ANK3: variants seen among roughly 807,000 people sequenced by gnomAD.
ANK3 encodes ankyrin-3.
A neutral mutation model predicts 370.9 loss-of-function variants in ANK3; 57 were observed. The observed-to-expected ratio is 0.15, with a 90% CI of 0.12 to 0.19. The LOEUF is 0.19. Ranked by LOEUF, ANK3 falls within the 10% of genes least tolerant of loss-of-function variation. ANK3 has a pLI of 1.00. For missense variants in ANK3, 4,439 were observed against 5,302.1 expected, an observed-to-expected ratio of 0.84 and a Z score of 5.06; for synonymous variants, 1,929 against 1,946.3, an observed-to-expected ratio of 0.99 and a Z score of 0.23.
chr10:60,047,457 A>G (rs1239763565), intron 42 of ANK3, among the ~76,000 whole-genome samples: 4 of 152,228 alleles, frequency 2.6e-5, no homozygotes, highest in Non-Finnish European at 5.9e-5. Context: ...GATGCGATAT[A>G]TTTTACAAAA....
chr10:60,269,655 C>A (rs542085253), intron 5 of ANK3, among the ~76,000 whole-genome samples: 7 of 146,480 alleles, frequency 4.8e-5, no homozygotes, highest in Non-Finnish European at 7.5e-5. Context: ...CCCTCCCCCC[C>A]CCCAAAAAAA....
At chr10:60,136,385 A>G (rs1270606190) in intron 24 of ANK3, among the ~76,000 whole-genome samples, 3 of 152,170 alleles carry the variant, frequency 2.0e-5, no homozygotes, top group Non-Finnish European at 4.4e-5. Flanking sequence ...CTAAGTATTA[A>G]TAACAATGTT....
chr10:60,191,479 G>T (rs2096480490), intron 16 of ANK3, among the ~76,000 whole-genome samples: 1 of 152,108 alleles, frequency 6.6e-6, no homozygotes, highest in Admixed American at 6.6e-5. Context: ...ATGAAAAAAT[G>T]ATCGTCATCA....
chr10:60,161,015 A>G (rs1310682629), intron 23 of ANK3, among the ~76,000 whole-genome samples: 1 of 152,210 alleles, frequency 6.6e-6, no homozygotes, highest in African/African-American at 2.4e-5. Context: ...CCTTCATTCA[A>G]CATAGTACTA....
At chr10:60,627,502 C>T (rs761451728) in intron 1 of ANK3, among the ~76,000 whole-genome samples, 5 of 151,970 alleles carry the variant, frequency 3.3e-5, no homozygotes, top group Non-Finnish European at 5.9e-5. Flanking sequence ...GCTAATTAAT[C>T]ATTGTTGGGT....
At chr10:60,478,311 G>T (rs539409894) in intron 2 of ANK3, among the ~76,000 whole-genome samples, 1 of 151,900 alleles carries the variant, frequency 6.6e-6, no homozygotes, top group South Asian at 2.1e-4. Context: ...GATTTTGTTC[G>T]TAACAGTCAC....
In ANK3 at chr10:60,272,089, T is replaced by TTG. The variant is rs5785433; in HGVS notation, c.415-1862_415-1861dup. On this transcript the variant is annotated intron_variant, in intron 4 of 43. Coordinates refer to ENST00000280772, the MANE Select transcript of ANK3 (RefSeq NM_020987.5). ...TGGAGTACTTGGAACACTGTGGGATTTGTGTGTGTGTGTGTGTGTGTGTGT... is the reference window on the plus strand; with the variant it reads ...TGGAGTACTTGGAACACTGTGGGATTTGTGTGTGTGTGTGTGTGTGTGTGTGT... Among the ~76,000 whole-genome samples the TTG allele has an allele frequency of 5.0e-3, 725 of 145,832 alleles. 6 individuals carry two copies. Among genetic ancestry groups the TTG allele is most frequent in the Admixed American group, 6.7e-3 (97 of 14,484 alleles).
chr10:60,387,576 C>T (rs889877571), intron 1 of ANK3, among the ~76,000 whole-genome samples: 6 of 152,112 alleles, frequency 3.9e-5, no homozygotes, highest in African/African-American at 1.4e-4. Flanking sequence ...TATCCATGAG[C>T]CAGTTTTAGG....
At chr10:60,606,850 T>C (rs2078135342) in intron 2 of ANK3, among the ~76,000 whole-genome samples, 1 of 152,198 alleles carries the variant, frequency 6.6e-6, no homozygotes, top group Admixed American at 6.5e-5. Context: ...ATAAATGTTG[T>C]GTTGAAATCA....
intron 2 of ANK3, among the ~76,000 whole-genome samples, chr10:60,524,795 C>T (rs1192861168): frequency 2.6e-5 from 4 of 151,984 alleles, no homozygotes; most frequent in African/African-American, 7.2e-5. Flanking sequence ...CTTGATTTGT[C>T]ATAAACTCCC....
chr10:60,571,856 T>C (rs2077607541), intron 2 of ANK3, among the ~76,000 whole-genome samples: 1 of 152,190 alleles, frequency 6.6e-6, no homozygotes, highest in African/African-American at 2.4e-5. Flanking sequence ...TATTAATATA[T>C]TGATGATTCC....
intron 18 of ANK3, among the ~76,000 whole-genome samples, chr10:60,175,797 T>A (rs1395647259): frequency 6.6e-6 from 1 of 152,226 alleles, no homozygotes; most frequent in South Asian, 2.1e-4. Flanking sequence ...TGCTACTTAC[T>A]ATCTGTGTGA....
intron 2 of ANK3, among the ~76,000 whole-genome samples, chr10:60,594,641 T>C (rs1261922969): frequency 6.6e-6 from 1 of 152,142 alleles, no homozygotes; most frequent in Non-Finnish European, 1.5e-5. Flanking sequence ...GAAAAAAATA[T>C]ATATAAGAAA....
chr10:60,668,407 C>A (rs1417654552), intron 1 of ANK3, among the ~76,000 whole-genome samples: 1 of 151,440 alleles, frequency 6.6e-6, no homozygotes, highest in Non-Finnish European at 1.5e-5. Flanking sequence ...AGGGGCACAG[C>A]AATCCACAGA....
chr10:60,157,299 A>G (rs1405480592), intron 23 of ANK3, among the ~76,000 whole-genome samples: 1 of 147,082 alleles, frequency 6.8e-6, no homozygotes, highest in Non-Finnish European at 1.5e-5. Flanking sequence ...AGCGTCCCAA[A>G]GTGCTGGGAC....
chr10:60,492,734 AAAG>A (rs376931063), intron 2 of ANK3, among the ~76,000 whole-genome samples: 3,396 of 134,238 alleles, frequency 0.025, 40 homozygotes, highest in South Asian at 0.036. Flanking sequence ...AGAAAGAAAG[AAAG>A]AAAAAAAAAA....
intron 2 of ANK3, among the ~76,000 whole-genome samples, chr10:60,591,462 G>T (rs577141358): frequency 6.6e-6 from 1 of 151,958 alleles, no homozygotes; most frequent in South Asian, 2.1e-4. Flanking sequence ...TCAAATGGAT[G>T]ATTTTTCTGC....
intron 1 of ANK3, among the ~76,000 whole-genome samples, chr10:60,314,704 C>T (rs1374435168): frequency 1.3e-5 from 2 of 152,116 alleles, no homozygotes; most frequent in Non-Finnish European, 2.9e-5. Context: ...AGTGAAGGTA[C>T]AAACTCCATT....
intron 7 of ANK3, among the ~76,000 whole-genome samples, chr10:60,261,576 T>C (rs1318519558): frequency 2.0e-5 from 3 of 152,176 alleles, no homozygotes; most frequent in African/African-American, 4.8e-5. Flanking sequence ...CTATTTGTTG[T>C]CCCCAGCCAC....
Sources: allele counts gnomAD v4.1 joint callset (sites outside exome capture counted in the v4.1 genomes callset), GRCh38; gene constraint gnomAD v4.1.1; transcripts MANE v1.5; gene names NCBI Gene and HGNC (gene_info 2026-07-23, HGNC 2026-07-21).